The following RYR3 variants were observed in gnomAD, a reference collection of about 807,000 sequenced individuals.
RYR3 encodes the protein brain ryanodine receptor-calcium release channel.
RYR3 carries 207 observed loss-of-function variants against 584.3 expected under a neutral mutation model. The observed-to-expected ratio is 0.35, with a 90% CI of 0.32 to 0.40. The LOEUF is 0.40. Ranked by LOEUF, RYR3 falls within the 10% of genes least tolerant of loss-of-function variation. RYR3 has a pLI of 1.00. For missense variants in RYR3, 5,616 were observed against 6,089.2 expected (o/e 0.92, Z 2.59); for synonymous variants, 2,416 against 2,248.5 (o/e 1.07, Z -2.11).
chr15:33,827,584 G>A (rs534284641), intron 85 of RYR3, among the ~76,000 whole-genome samples: 1 of 152,198 alleles, frequency 6.6e-6, no homozygotes, highest in East Asian at 1.9e-4. Context: ...ACACAACCAA[G>A]AGCTCTAAAA....
rs530455672 is a variant in RYR3 at position 33,355,045 on chromosome 15, G to A, written c.51+43949G>A. Among the ~76,000 whole-genome samples the A allele has an allele frequency of 9.9e-5, 15 of 152,120 alleles. No homozygotes were observed. In the South Asian group the frequency reaches 1.5e-3, roughly 15 times the overall value. The stretch of plus-strand genomic sequence containing the variant: ...CTAAAAATACAAAAATTAGCCGGGC[G>A]TGGTGGTACACGCCTGTAATCCCTG... On this transcript the variant is annotated intron_variant, in intron 1 of 103. Transcript: ENST00000634891.
At chr15:33,864,789 A>C (rs752905410) in intron 103 of RYR3, 4 of 233,940 alleles carry the variant, frequency 1.7e-5, no homozygotes, top group African/African-American at 6.7e-5. Flanking sequence ...GCATGCAATA[A>C]ACGTTCCCTC....
chr15:33,332,759 A>G (rs1048079431), intron 1 of RYR3, among the ~76,000 whole-genome samples: 9 of 152,272 alleles, frequency 5.9e-5, no homozygotes, highest in Admixed American at 4.6e-4. Context: ...TAAGTTCAGA[A>G]GAGTTATGAA....
chr15:33,531,812 A>G (rs939865407), intron 4 of RYR3, among the ~76,000 whole-genome samples: 1 of 152,042 alleles, frequency 6.6e-6, no homozygotes, highest in Non-Finnish European at 1.5e-5. Context: ...AACCCTGATA[A>G]TATCTGGAAT....
chr15:33,635,664 G>A lies in RYR3; in HGVS notation c.3226G>A (p.Val1076Ile). The A allele has an allele frequency of 1.9e-6, 3 of 1,614,012 alleles. No homozygotes were observed. Among genetic ancestry groups the A allele is most frequent in the South Asian group, 1.1e-5 (1 of 91,052 alleles). The change falls in exon 26 of 104, where the codon GTA becomes ATA. Residue 1076 changes from valine to isoleucine, a missense_variant. By Grantham distance (29) the Val-to-Ile change is conservative. Transcript: ENST00000634891. ...VSIDKIRFFR[V>I]ERSYAVRSGK... ...CATAGACAAGATCCGATTTTTCCGGGTAGAGCGATCTTATGCAGTGAGATC... is the reference window on the plus strand; with the variant it reads ...CATAGACAAGATCCGATTTTTCCGGATAGAGCGATCTTATGCAGTGAGATC...
chr15:33,853,190 T>TA, intron 95 of RYR3, 103 bp downstream of exon 95: 1 of 1,053,222 alleles, frequency 9.5e-7, no homozygotes. Flanking sequence ...ATGCTACTTT[T>TA]ATGATAATAT....
intron 1 of RYR3, among the ~76,000 whole-genome samples, chr15:33,364,661 AG>A (rs1437569657): frequency 6.6e-6 from 1 of 152,252 alleles, no homozygotes; most frequent in Non-Finnish European, 1.5e-5. Flanking sequence ...CCTAAGATAT[AG>A]AAGTGACAAG....
At chr15:33,765,846 ATC>A in intron 60 of RYR3, among the ~76,000 whole-genome samples, 1 of 152,056 alleles carries the variant, frequency 6.6e-6, no homozygotes, top group Non-Finnish European at 1.5e-5. Context: ...TTGTGTAAAA[ATC>A]TCTGTGAAAC....
intron 1 of RYR3, among the ~76,000 whole-genome samples, chr15:33,380,763 C>T (rs2041125966): frequency 6.6e-6 from 1 of 152,216 alleles, no homozygotes; most frequent in Non-Finnish European, 1.5e-5. Context: ...CACGAAGCAG[C>T]ACACGTACGT....
chr15:33,436,204 G>A (rs1295163108), intron 1 of RYR3, among the ~76,000 whole-genome samples: 1 of 152,106 alleles, frequency 6.6e-6, no homozygotes, highest in African/African-American at 2.4e-5. Flanking sequence ...CCCTCCTTGT[G>A]CAATATCTTT....
intron 42 of RYR3, among the ~76,000 whole-genome samples, chr15:33,705,927 C>T (rs901977015): frequency 2.0e-5 from 3 of 152,330 alleles, no homozygotes; most frequent in East Asian, 1.9e-4. Context: ...CCCAGATGTA[C>T]GCTAGCTAGG....
chr15:33,624,997 T>A (rs1443276576), intron 20 of RYR3, among the ~76,000 whole-genome samples: 10 of 152,206 alleles, frequency 6.6e-5, no homozygotes, highest in Admixed American at 5.2e-4. Flanking sequence ...TGACTATGTA[T>A]TAGTCCATTT....
chr15:33,543,767 C>G lies in RYR3; in HGVS notation c.740+52C>G, dbSNP rs1464731384. 5 of 1,134,260 alleles carry G rather than the reference C, an allele frequency of 4.4e-6. No homozygotes were observed. In the African/African-American group the frequency reaches 7.6e-5, roughly 17 times the overall value. 70.3% of individuals were successfully genotyped at this position (1,134,260 alleles called of 1,614,324 possible). On this transcript the variant is annotated intron_variant, in intron 8 of 103. Transcript: ENST00000634891. ...TAGCTGTTTCCAGTCTCAAATGACT[C>G]AAACTAAAGAGTTTACATTGTATTT...
In RYR3 at chr15:33,634,691, G is replaced by A. The variant is rs1277523098; in HGVS notation, c.3133G>A (p.Val1045Ile). 3 of 1,613,996 alleles carry A rather than the reference G, an allele frequency of 1.9e-6. No individual in the cohort carries two copies. Among genetic ancestry groups the A allele is most frequent in the African/African-American group, 1.3e-5 (1 of 75,042 alleles). Residue 1045 changes from valine (V) to isoleucine (I), a missense_variant, in exon 25 of 104, where the codon GTT becomes ATT. By Grantham distance (29) the Val-to-Ile change is conservative. This residue lies in a region of RYR3 where 1,284 missense variants were observed against 1,344.6 expected (regional missense o/e 0.95). Coordinates refer to ENST00000634891, the MANE Select transcript of RYR3 (RefSeq NM_001036.6). ...CCTGCGGGAAGCTGTGCGCACTTTT[G>A]TTGGTTACGGGTATAACATTGAGCC... Reference protein sequence around the residue: ...DSLREAVRTFVGYGYNIEPSD... With the variant: ...DSLREAVRTFIGYGYNIEPSD...
intron 46 of RYR3, among the ~76,000 whole-genome samples, chr15:33,727,072 C>G (rs910933637): frequency 6.6e-6 from 1 of 152,228 alleles, no homozygotes; most frequent in Non-Finnish European, 1.5e-5. Flanking sequence ...GCTCTCACCA[C>G]GGCCTCCCTT....
chr15:33,524,788 T>G (rs2054272725), intron 3 of RYR3, among the ~76,000 whole-genome samples: 1 of 152,198 alleles, frequency 6.6e-6, no homozygotes, highest in Admixed American at 6.5e-5. Context: ...ATGTTTGAAT[T>G]TTCTTCTAAT....
chr15:33,662,310 G>A lies in RYR3; in HGVS notation c.4780G>A (p.Asp1594Asn). 6.2e-7 allele frequency: 1 copy of A among 1,611,836 alleles called. No homozygotes were observed. Among genetic ancestry groups the A allele is most frequent in the Non-Finnish European group, 8.5e-7 (1 of 1,179,114 alleles). The part of the protein sequence containing the change: ...VDLSQLFYAI[D>N]NKYLPGLLRS... Reference sequence around the variant, plus strand: ...CCTCTCCCAGCTCTTCTATGCCATTGACAACAAGTACCTCCCCGGCCTCCT... The same window carrying A: ...CCTCTCCCAGCTCTTCTATGCCATTAACAACAAGTACCTCCCCGGCCTCCT... Residue 1594 changes from aspartate (D) to asparagine (N), a missense_variant, in exon 35 of 104, where the codon GAC becomes AAC. Physicochemically the swap from Asp to Asn is conservative, Grantham distance 23. Transcript: ENST00000634891.
chr15:33,518,547 C>T (rs2053714325), intron 3 of RYR3, among the ~76,000 whole-genome samples: 1 of 152,138 alleles, frequency 6.6e-6, no homozygotes. Flanking sequence ...TGTCTTGCAG[C>T]TCAAGGGAAG....
chr15:33,489,152 C>T (rs1391018475), intron 2 of RYR3, among the ~76,000 whole-genome samples: 1 of 152,170 alleles, frequency 6.6e-6, no homozygotes, highest in Non-Finnish European at 1.5e-5. Flanking sequence ...GAAATGCCTA[C>T]AATTTTTTTT....
Sources: gnomAD v4.1 joint callset for allele counts (sites outside exome capture counted in the v4.1 genomes callset) on GRCh38, gnomAD v4.1.1 for gene constraint, gnomAD v4.1.1 regional missense constraint, MANE v1.5 for transcripts, NCBI Gene and HGNC (gene_info 2026-07-23, HGNC 2026-07-21) for gene names.